MYO5A: variants seen among roughly 807,000 people sequenced by gnomAD.
The protein encoded by MYO5A is unconventional myosin-Va.
Under a neutral mutation model 249.7 loss-of-function variants are expected in MYO5A, and 98 were observed. The ratio of observed to expected loss-of-function variants is 0.39; its 90% CI spans 0.33 to 0.46. MYO5A has a LOEUF of 0.46. Ranked by LOEUF, MYO5A falls within the 20% of genes least tolerant of loss-of-function variation. The pLI is 0.98. For synonymous variants in MYO5A, 778 were observed against 810.6 expected, an observed-to-expected ratio of 0.96 and a Z score of 0.68; for missense variants, 1,696 against 2,308.8, an observed-to-expected ratio of 0.73 and a Z score of 5.44.
rs1442446089 is a variant in MYO5A at position 52,314,336 on chromosome 15, A to G, written c.5410-133T>C. The stretch of plus-strand genomic sequence containing the variant: ...TCAGGGGTGGGCTGGGACCAGAAGG[A>G]AGGAGGAGCTGGTCTGCACATTTAC... On this transcript the variant is annotated intron_variant, in intron 40 of 41. Transcript: ENST00000399233. 4.3e-6 allele frequency: 3 copies of G among 699,236 alleles called. No individual in the cohort carries two copies. The East Asian group carries it at 8.1e-5, about 19-fold the overall frequency. The allele number at this position is 699,236 out of a possible 1,614,324, so 43.3% of individuals were successfully genotyped here.
chr15:52,392,702 T>C (rs932848027), intron 11 of MYO5A, among the ~76,000 whole-genome samples: 5 of 152,236 alleles, frequency 3.3e-5, no homozygotes, highest in African/African-American at 9.6e-5. Context: ...GTCCTCACCA[T>C]TGCTTCTCAT....
At chr15:52,316,061 C>T (rs1230301349) in intron 40 of MYO5A, among the ~76,000 whole-genome samples, 1 of 150,730 alleles carries the variant, frequency 6.6e-6, no homozygotes, top group Non-Finnish European at 1.5e-5. Flanking sequence ...GGTGAAACCC[C>T]ATCTTTACTA....
At position 52,348,343 on chromosome 15, in the gene MYO5A, G is replaced by A. The variant is rs138376584; in HGVS notation, c.3858+475C>T. Among the ~76,000 whole-genome samples, 10 of 152,288 alleles carry A rather than the reference G, an allele frequency of 6.6e-5. 1 individual carries two copies. The highest frequency in any genetic ancestry group is 2.2e-4 in the African/African-American group (9 of 41,538). On this transcript the variant is annotated intron_variant, in intron 29 of 41. Transcript: ENST00000399233. Reference sequence around the variant, plus strand: ...TAGAGAAATTTGACTTTGCAACCTCGTCAACGAGCCACATTTCATTCTAGC... The same window carrying A: ...TAGAGAAATTTGACTTTGCAACCTCATCAACGAGCCACATTTCATTCTAGC...
intron 1 of MYO5A, among the ~76,000 whole-genome samples, chr15:52,451,859 C>T (rs765998624): frequency 3.3e-5 from 5 of 152,188 alleles, no homozygotes; most frequent in South Asian, 2.1e-4. Context: ...TCTCAGATAA[C>T]CCTGTACTTT....
At chr15:52,333,647 T>A (rs998349808) in intron 34 of MYO5A, among the ~76,000 whole-genome samples, 31 of 152,214 alleles carry the variant, frequency 2.0e-4, no homozygotes, top group African/African-American at 7.2e-4. Flanking sequence ...TGAAACACTC[T>A]CCATTTAGCT....
At chr15:52,512,777 G>T (rs1420300255) in intron 1 of MYO5A, among the ~76,000 whole-genome samples, 5 of 152,088 alleles carry the variant, frequency 3.3e-5, no homozygotes, top group Non-Finnish European at 7.4e-5. Flanking sequence ...TTTTGCCATA[G>T]AAGACTCTCA....
At chr15:52,430,557 C>A (rs2075504821) in intron 2 of MYO5A, among the ~76,000 whole-genome samples, 1 of 152,122 alleles carries the variant, frequency 6.6e-6, no homozygotes, top group Non-Finnish European at 1.5e-5. Context: ...CCCTAAGTGA[C>A]TATAGTTTCT....
intron 1 of MYO5A, among the ~76,000 whole-genome samples, chr15:52,512,728 C>A (rs1173358103): frequency 1.3e-5 from 2 of 152,108 alleles, no homozygotes; most frequent in East Asian, 3.8e-4. Context: ...ATTTCCTATA[C>A]TATTTCACAC....
chr15:52,439,733 G>C (rs1355560131), intron 1 of MYO5A, among the ~76,000 whole-genome samples: 1 of 151,834 alleles, frequency 6.6e-6, no homozygotes, highest in African/African-American at 2.4e-5. Context: ...TGAAGTAGTA[G>C]GTAAAGAAAA....
intron 1 of MYO5A, among the ~76,000 whole-genome samples, chr15:52,457,420 C>CAAAAA (rs35282872): frequency 1.1e-5 from 1 of 87,204 alleles, no homozygotes; most frequent in Non-Finnish European, 2.2e-5. Context: ...GACCCTGTCT[C>CAAAAA]AAAAAAAAAA....
At chr15:52,434,737 AT>A (rs2075624345) in intron 1 of MYO5A, among the ~76,000 whole-genome samples, 1 of 152,216 alleles carries the variant, frequency 6.6e-6, no homozygotes, top group Non-Finnish European at 1.5e-5. Context: ...CTGGGAAGAA[AT>A]TTCCCTTTAA....
chr15:52,356,771 C>T (rs1159812573), intron 25 of MYO5A, among the ~76,000 whole-genome samples: 2 of 144,566 alleles, frequency 1.4e-5, no homozygotes, highest in South Asian at 2.2e-4. Flanking sequence ...AGTGGCACTT[C>T]GCTGTTGATT....
intron 1 of MYO5A, among the ~76,000 whole-genome samples, chr15:52,497,728 G>A (rs2077068492): frequency 7.6e-6 from 1 of 131,806 alleles, no homozygotes; most frequent in African/African-American, 2.9e-5. Flanking sequence ...CTGCACTCCA[G>A]CCTGGGCAAC....
At chr15:52,428,750 A>C (rs1436355516) in intron 2 of MYO5A, among the ~76,000 whole-genome samples, 181 bp from the exon 3 acceptor site, 1 of 152,250 alleles carries the variant, frequency 6.6e-6, no homozygotes, top group Admixed American at 6.5e-5. Flanking sequence ...GTGCGTTTTC[A>C]TTAGACATAC....
Position 52,528,830 on chromosome 15 carries a change from C to G in MYO5A, c.-24G>C. On this transcript the variant is annotated 5_prime_UTR_variant, in exon 1 of 42. Coordinates refer to ENST00000399233, the MANE Select transcript of MYO5A (RefSeq NM_001382347.1). ...ATGGCGGGCCCCGCGCGCCTACGCC[C>G]CCCGCCTGTGCGGAGGCCGCACCTC... The G allele has an allele frequency of 2.0e-6, 3 of 1,475,710 alleles. No individual in the cohort carries two copies. The highest frequency in any genetic ancestry group is 2.7e-6 in the Non-Finnish European group (3 of 1,118,462). 91.4% of individuals were successfully genotyped at this position (1,475,710 alleles called of 1,614,324 possible).
At chr15:52,423,323 T>A (rs535112873) in intron 4 of MYO5A, among the ~76,000 whole-genome samples, 1 of 151,420 alleles carries the variant, frequency 6.6e-6, no homozygotes, top group African/African-American at 2.4e-5. Flanking sequence ...GAGGCCGAGG[T>A]GGGCGGATCA....
intron 30 of MYO5A, among the ~76,000 whole-genome samples, chr15:52,345,758 A>C (rs1455160985): frequency 1.3e-5 from 2 of 152,138 alleles, no homozygotes; most frequent in Non-Finnish European, 2.9e-5. Context: ...AATATTCTTC[A>C]GTTTATAAAG....
At chr15:52,467,261 T>C (rs902748375) in intron 1 of MYO5A, among the ~76,000 whole-genome samples, 1 of 152,186 alleles carries the variant, frequency 6.6e-6, no homozygotes, top group East Asian at 1.9e-4. Context: ...AAGAGAAATC[T>C]GCAAACTAAT....
At chr15:52,388,425 AT>A (rs1367513464) in intron 13 of MYO5A, among the ~76,000 whole-genome samples, 2 of 152,156 alleles carry the variant, frequency 1.3e-5, no homozygotes, top group Admixed American at 6.6e-5. Context: ...AGAATGGACT[AT>A]TTCTTTTCCA....
Sources: allele counts gnomAD v4.1 joint callset (sites outside exome capture counted in the v4.1 genomes callset), GRCh38; gene constraint gnomAD v4.1.1; transcripts MANE v1.5; gene names NCBI Gene and HGNC (gene_info 2026-07-23, HGNC 2026-07-21).